Variants in ARMH3 observed in about 807,000 individuals in gnomAD.
ARMH3 encodes armadillo like helical domain containing 3.
In ARMH3, 60 loss-of-function variants were observed where a neutral mutation model predicts 99.1. The observed-to-expected ratio is 0.61, with a 90% CI of 0.49 to 0.75. ARMH3 has a LOEUF of 0.75. ARMH3 is among the 30% of genes least tolerant of loss of function. The pLI, the probability that ARMH3 is intolerant of heterozygous loss-of-function variation, is 0.00. For missense variants in ARMH3, 679 were observed against 843.1 expected (o/e 0.81, Z 2.41); for synonymous variants, 285 against 292.8 (o/e 0.97, Z 0.27).
intron 20 of ARMH3, among the ~76,000 whole-genome samples, chr10:101,959,169 G>T (rs371107398): frequency 6.6e-6 from 1 of 152,160 alleles, no homozygotes; most frequent in Admixed American, 6.5e-5. Flanking sequence ...GGACAAAAAG[G>T]CTCCAAGGGA....
intron 5 of ARMH3, 89 bp downstream of exon 5, chr10:102,029,549 A>G: frequency 6.2e-7 from 1 of 1,613,138 alleles, no homozygotes; most frequent in Middle Eastern, 1.6e-4. Context: ...TCTGAGTCCA[A>G]ATCTTTGAGT....
chr10:101,873,342 G>A (rs2067179840), intron 24 of ARMH3, among the ~76,000 whole-genome samples: 1 of 151,838 alleles, frequency 6.6e-6, no homozygotes, highest in African/African-American at 2.4e-5. Context: ...AACCCAGGAG[G>A]CAGAGGTTGC....
intron 8 of ARMH3, among the ~76,000 whole-genome samples, chr10:102,016,017 C>T (rs1023887634): frequency 6.6e-6 from 1 of 152,108 alleles, no homozygotes; most frequent in African/African-American, 2.4e-5. Flanking sequence ...CGCCTGTAGT[C>T]CCAGCTACTC....
chr10:101,913,692 G>C (rs1234778194), intron 23 of ARMH3, among the ~76,000 whole-genome samples: 5 of 152,120 alleles, frequency 3.3e-5, no homozygotes, highest in African/African-American at 9.7e-5. Flanking sequence ...AGAGCCAAAG[G>C]CTCCCAGACT....
chr10:102,043,914 T>C (rs1295912790), intron 1 of ARMH3, among the ~76,000 whole-genome samples: 2 of 152,108 alleles, frequency 1.3e-5, no homozygotes, highest in Admixed American at 6.5e-5. Context: ...ATACAAGTTA[T>C]ACAACTTTTT....
At chr10:101,966,529 T>C (rs1205159265) in intron 20 of ARMH3, among the ~76,000 whole-genome samples, 3 of 152,068 alleles carry the variant, frequency 2.0e-5, no homozygotes, top group East Asian at 3.9e-4. Flanking sequence ...GCTGGGATTA[T>C]ACGTGTGAGC....
chr10:101,977,035 A>G (rs1590119531), intron 19 of ARMH3, among the ~76,000 whole-genome samples: 2 of 152,154 alleles, frequency 1.3e-5, no homozygotes, highest in Admixed American at 6.5e-5. Flanking sequence ...TATTTATATT[A>G]AAAGTTAAAT....
chr10:102,043,201 G>A (rs1228741145), intron 1 of ARMH3, among the ~76,000 whole-genome samples: 1 of 152,168 alleles, frequency 6.6e-6, no homozygotes, highest in African/African-American at 2.4e-5. Context: ...CCAGAGGAGA[G>A]AACCACCATC....
chr10:101,954,739 T>C (rs928664495), intron 22 of ARMH3, among the ~76,000 whole-genome samples: 3 of 152,206 alleles, frequency 2.0e-5, no homozygotes, highest in African/African-American at 7.2e-5. Context: ...CATAAGTTTA[T>C]ACTTTATATA....
chr10:102,036,666 T>C (rs1187531435), intron 2 of ARMH3, among the ~76,000 whole-genome samples: 1 of 152,030 alleles, frequency 6.6e-6, no homozygotes. Flanking sequence ...AAACAGATGC[T>C]TGAAGGCAGC....
At chr10:101,896,951 C>T (rs2067852948) in intron 23 of ARMH3, among the ~76,000 whole-genome samples, 1 of 152,136 alleles carries the variant, frequency 6.6e-6, no homozygotes, top group South Asian at 2.1e-4. Context: ...ATACTTAAGT[C>T]AAAAGTTCTG....
chr10:101,850,597 G>A (rs1423478522), intron 24 of ARMH3, among the ~76,000 whole-genome samples: 3 of 151,096 alleles, frequency 2.0e-5, no homozygotes, highest in African/African-American at 7.3e-5. Flanking sequence ...GCTAATTTTT[G>A]TATTTTTAGT....
chr10:101,998,431 G>T (rs181892696), intron 15 of ARMH3, among the ~76,000 whole-genome samples: 4 of 152,328 alleles, frequency 2.6e-5, no homozygotes, highest in Admixed American at 6.5e-5. Flanking sequence ...TAGTGACATG[G>T]ACTACTTAAA....
intron 20 of ARMH3, among the ~76,000 whole-genome samples, chr10:101,964,872 G>A (rs1182123326): frequency 1.3e-5 from 2 of 151,826 alleles, no homozygotes; most frequent in Non-Finnish European, 2.9e-5. Flanking sequence ...AATTAGCCTG[G>A]CATGGTGGTA....
intron 24 of ARMH3, among the ~76,000 whole-genome samples, chr10:101,877,149 A>T (rs917653850): frequency 2.9e-4 from 44 of 152,168 alleles, no homozygotes; most frequent in African/African-American, 9.4e-4. Flanking sequence ...CAAAAAAAAT[A>T]AAAAATAGCC....
chr10:101,940,548 C>T (rs1157007768), intron 22 of ARMH3, among the ~76,000 whole-genome samples: 1 of 151,932 alleles, frequency 6.6e-6, no homozygotes, highest in African/African-American at 2.4e-5. Flanking sequence ...GTGTGCTGCA[C>T]CCAATAACTC....
At chr10:101,867,989 A>G (rs1227596525) in intron 24 of ARMH3, among the ~76,000 whole-genome samples, 1 of 152,082 alleles carries the variant, frequency 6.6e-6, no homozygotes, top group Non-Finnish European at 1.5e-5. Flanking sequence ...AAAAAAAAAA[A>G]AAGAATTGGA....
intron 23 of ARMH3, among the ~76,000 whole-genome samples, chr10:101,915,490 G>T (rs1231425253): frequency 7.2e-5 from 11 of 152,170 alleles, no homozygotes; most frequent in Non-Finnish European, 1.3e-4. Context: ...CCCCCTTCCT[G>T]AGCAACTGAA....
intron 24 of ARMH3, among the ~76,000 whole-genome samples, chr10:101,862,299 G>A (rs1449284012): frequency 6.6e-6 from 1 of 152,138 alleles, no homozygotes; most frequent in Non-Finnish European, 1.5e-5. Flanking sequence ...CACTATGGCC[G>A]GGTGTAGTGG....
Sources: allele counts gnomAD v4.1 joint callset (sites outside exome capture counted in the v4.1 genomes callset), GRCh38; gene constraint gnomAD v4.1.1; transcripts MANE v1.5; gene names NCBI Gene and HGNC (gene_info 2026-07-23, HGNC 2026-07-21).